The following DPH6 variants were observed in gnomAD, a reference collection of about 807,000 sequenced individuals.
The protein encoded by DPH6 is diphthine--ammonia ligase.
A neutral mutation model predicts 38.2 loss-of-function variants in DPH6; 33 were observed. The observed-to-expected ratio is 0.86, with a 90% confidence interval of 0.65 to 1.15. DPH6 has a LOEUF of 1.15. Among genes scored for constraint, DPH6 ranks in the 50% most tolerant of loss-of-function variants. The pLI, the probability that DPH6 is intolerant of heterozygous loss-of-function variation, is 0.00. For synonymous variants in DPH6, 108 were observed against 103.0 expected (o/e 1.05, Z -0.30); for missense variants, 325 against 320.0 (o/e 1.02, Z -0.12).
chr15:35,288,862 C>T (rs1394476188), intron 3 of DPH6, among the ~76,000 whole-genome samples: 1 of 152,126 alleles, frequency 6.6e-6, no homozygotes, highest in African/African-American at 2.4e-5. Flanking sequence ...CCACCACTGC[C>T]CCACTTCTGC....
chr15:35,521,567 G>T, intron 3 of DPH6: 1 of 1,226,076 alleles, frequency 8.2e-7, no homozygotes, highest in East Asian at 3.2e-5. Flanking sequence ...GTCATGAACT[G>T]TGAGAAAATG....
chr15:35,238,362 G>A (rs1193294777), intron 3 of DPH6, among the ~76,000 whole-genome samples: 1 of 151,928 alleles, frequency 6.6e-6, no homozygotes, highest in Non-Finnish European at 1.5e-5. Flanking sequence ...TCACTTTATC[G>A]GGAGTAGTTG....
At chr15:35,264,432 C>T (rs562286735) in intron 3 of DPH6, among the ~76,000 whole-genome samples, 73 of 152,270 alleles carry the variant, frequency 4.8e-4, no homozygotes, top group African/African-American at 1.7e-3. Context: ...AATATCTCTT[C>T]TATATTATCC....
chr15:35,435,963 G>A (rs116831497), intron 5 of DPH6, among the ~76,000 whole-genome samples: 107 of 151,946 alleles, frequency 7.0e-4, no homozygotes, highest in African/African-American at 2.5e-3. Context: ...GGACCGTAAT[G>A]GCACCTATCT....
chr15:35,481,699 A>C (rs141150074), intron 3 of DPH6, among the ~76,000 whole-genome samples: 321 of 152,212 alleles, frequency 2.1e-3, no homozygotes, highest in African/African-American at 7.3e-3. Context: ...CGAAAGAATA[A>C]TAGAAGGAGG....
chr15:35,479,020 A>T (rs1453867241), intron 3 of DPH6, among the ~76,000 whole-genome samples: 1 of 152,102 alleles, frequency 6.6e-6, no homozygotes, highest in Non-Finnish European at 1.5e-5. Context: ...AATGGGCAGT[A>T]GCTATGAAAA....
intron 6 of DPH6, among the ~76,000 whole-genome samples, chr15:35,392,020 TTC>T (rs35624300): frequency 0.33 from 50,161 of 152,020 alleles, 9,233 homozygotes; most frequent in African/African-American, 0.49. Context: ...GTGTGCTGTG[TTC>T]TCTTTTAGAG....
the DPH6 span, among the ~76,000 whole-genome samples, chr15:35,204,153 G>A: frequency 1.3e-5 from 2 of 151,582 alleles, no homozygotes; most frequent in African/African-American, 4.8e-5. Context: ...GGCTGCTTTT[G>A]TTAAAGAATG....
intron 3 of DPH6, among the ~76,000 whole-genome samples, chr15:35,476,393 T>A (rs1469502669): frequency 6.6e-6 from 1 of 151,860 alleles, no homozygotes. Flanking sequence ...CATCCTGCTG[T>A]GTTAAATAAA....
chr15:35,368,874 G>C (rs1229102807), downstream of DPH6, among the ~76,000 whole-genome samples: 1 of 126,450 alleles, frequency 7.9e-6, no homozygotes, highest in Non-Finnish European at 1.6e-5. Context: ...GGAGAAAGTA[G>C]ATGTTAGTAA....
At chr15:35,186,112 C>G in the DPH6 span, among the ~76,000 whole-genome samples, 375 of 152,190 alleles carry the variant, frequency 2.5e-3, 1 homozygote, top group African/African-American at 8.6e-3. Context: ...GCAGAGTTTG[C>G]CTTTGAACCA....
At chr15:35,399,208 G>C (rs1477190902) in intron 6 of DPH6, among the ~76,000 whole-genome samples, 1 of 151,986 alleles carries the variant, frequency 6.6e-6, no homozygotes, top group Non-Finnish European at 1.5e-5. Flanking sequence ...TATTCTTAGG[G>C]AGATTAGAGA....
At chr15:35,355,279 A>G (rs112377840) in intron 3 of DPH6, among the ~76,000 whole-genome samples, 4,575 of 152,154 alleles carry the variant, frequency 0.03, 226 homozygotes, top group African/African-American at 0.1. Flanking sequence ...CATTTAGCCC[A>G]TTTACATTTA....
At chr15:35,539,354 C>G (rs2055218128) in intron 2 of DPH6, among the ~76,000 whole-genome samples, 1 of 151,864 alleles carries the variant, frequency 6.6e-6, no homozygotes, top group Non-Finnish European at 1.5e-5. Flanking sequence ...AGAACATTTT[C>G]TAAAGTATGT....
downstream of DPH6, among the ~76,000 whole-genome samples, chr15:35,329,072 T>C (rs2052307793): frequency 6.6e-6 from 1 of 152,228 alleles, no homozygotes; most frequent in Non-Finnish European, 1.5e-5. Context: ...ATGGGAATTA[T>C]GGAAGTACAA....
At chr15:35,358,468 A>T (rs536342468) in intron 3 of DPH6, among the ~76,000 whole-genome samples, 1 of 152,104 alleles carries the variant, frequency 6.6e-6, no homozygotes, top group Non-Finnish European at 1.5e-5. Context: ...TTGTTTTGTC[A>T]TATTACCAGG....
intron 3 of DPH6, among the ~76,000 whole-genome samples, chr15:35,337,124 T>G (rs1021607516): frequency 1.3e-5 from 2 of 152,144 alleles, no homozygotes; most frequent in African/African-American, 4.8e-5. Context: ...CAATTTCAGA[T>G]CCTGTTATTG....
chr15:35,337,565 A>C lies in DPH6; in HGVS notation n.208-6488T>G, dbSNP rs147554839. Among the ~76,000 whole-genome samples, 988 of 152,304 alleles carry C rather than the reference A, an allele frequency of 6.5e-3. 11 individuals carry two copies. Among genetic ancestry groups the C allele is most frequent in the African/African-American group, 0.023 (949 of 41,568 alleles). On this transcript the variant is annotated intron_variant and non_coding_transcript_variant, in intron 3 of 3. Coordinates refer to the DPH6 transcript ENST00000558973. Reference sequence around the variant, plus strand: ...ACAAATGGAAGAATATTCCATGCTCATGGGTAGGAGGAATCAATATCATGA... The same window carrying C: ...ACAAATGGAAGAATATTCCATGCTCCTGGGTAGGAGGAATCAATATCATGA...
intron 5 of DPH6, among the ~76,000 whole-genome samples, chr15:35,426,918 G>A (rs1264172869): frequency 6.7e-6 from 1 of 148,716 alleles, no homozygotes; most frequent in Non-Finnish European, 1.5e-5. Context: ...TTATGAACAC[G>A]TTGAAAATAT....
Sources: gnomAD v4.1 joint callset for allele counts (sites outside exome capture counted in the v4.1 genomes callset) on GRCh38, gnomAD v4.1.1 for gene constraint, MANE v1.5 for transcripts, NCBI Gene and HGNC (gene_info 2026-07-23, HGNC 2026-07-21) for gene names.